Variants in ANKUB1 observed in about 807,000 individuals in gnomAD.
ANKUB1 encodes ankyrin repeat and ubiquitin domain containing 1, also known as protein ANKUB1.
ANKUB1 carries 42 observed loss-of-function variants against 49.3 expected under a neutral mutation model. The ratio of observed to expected loss-of-function variants is 0.85; its 90% CI spans 0.67 to 1.10. ANKUB1 has a LOEUF of 1.10. Ranked by LOEUF, ANKUB1 falls within the 50% of genes least tolerant of loss-of-function variation. The probability of loss-of-function intolerance (pLI) is 0.00; values close to 1 mark genes in which losing one functional copy is unlikely to be tolerated. For missense variants in ANKUB1, 613 were observed against 642.0 expected (o/e 0.95, Z 0.49); for synonymous variants, 222 against 231.0 (o/e 0.96, Z 0.35).
intron 3 of ANKUB1, among the ~76,000 whole-genome samples, chr3:149,772,024 C>CTTT (rs398062912): frequency 2.3e-5 from 3 of 133,196 alleles, no homozygotes; most frequent in African/African-American, 5.6e-5. Context: ...TCCATCCTTC[C>CTTT]TTTTTTTTTT....
rs1450995754 is a variant in ANKUB1 at position 149,761,388 on chromosome 3, G to A, written c.*96C>T. ...ATGTGGCATTATAACTGTTACTAGA[G>A]ATGATAACATTAGAACTGTTATTAG... is the stretch of plus-strand genomic sequence containing the variant. On this transcript the variant is annotated 3_prime_UTR_variant, in exon 6 of 6. Transcript: ENST00000446160. 4 of 1,353,660 alleles carry A rather than the reference G, an allele frequency of 3.0e-6. No homozygotes were observed. In the African/African-American group the frequency reaches 5.9e-5, roughly 20 times the overall value. The allele number at this position is 1,353,660 out of a possible 1,614,324, so 83.9% of individuals were successfully genotyped here. A position where few individuals can be genotyped will look rare whatever the true frequency, so the allele number is the denominator to read the frequency against.
At position 149,767,333 on chromosome 3, in the gene ANKUB1, G is replaced by GT; in HGVS notation, c.1328dup (p.Asn443LysfsTer30). The GT allele has an allele frequency of 6.4e-7, 1 of 1,550,628 alleles. No homozygotes were observed. The highest frequency in any genetic ancestry group is 8.7e-7 in the Non-Finnish European group (1 of 1,146,792). ...GGAGGGGGACTTGGGGAAGATATGT[G>GT]TTTTTTATGAGCTTTTCTTTTTTCC... is the stretch of plus-strand genomic sequence containing the variant. On this transcript the variant is annotated frameshift_variant, in exon 5 of 6. Coordinates refer to ENST00000446160, the MANE Select transcript of ANKUB1 (RefSeq NM_001144960.3). LOFTEE classifies it high-confidence loss of function.
intron 3 of ANKUB1, among the ~76,000 whole-genome samples, chr3:149,772,628 C>A (rs1717416456): frequency 6.6e-6 from 1 of 152,206 alleles, no homozygotes; most frequent in African/African-American, 2.4e-5. Context: ...TTAACCTCTG[C>A]TTAAAATGAG....
chr3:149,778,593 C>T (rs780017556), intron 3 of ANKUB1: 4 of 152,070 alleles, frequency 2.6e-5, no homozygotes, highest in Non-Finnish European at 5.9e-5. Flanking sequence ...CACTGTGTGC[C>T]CTTCCTTATG....
intron 3 of ANKUB1, among the ~76,000 whole-genome samples, chr3:149,777,076 G>A (rs1262938373): frequency 1.3e-5 from 2 of 152,098 alleles, no homozygotes; most frequent in African/African-American, 4.8e-5. Context: ...ATTAATACTG[G>A]GATTATCAAA....
intron 2 of ANKUB1, among the ~76,000 whole-genome samples, chr3:149,781,242 G>A (rs1683202909): frequency 6.6e-6 from 1 of 152,104 alleles, no homozygotes. Flanking sequence ...CCAAAGCAGA[G>A]TTAAGATGGA....
chr3:149,782,418 G>A (rs1717911033), intron 2 of ANKUB1, among the ~76,000 whole-genome samples: 1 of 151,930 alleles, frequency 6.6e-6, no homozygotes, highest in Non-Finnish European at 1.5e-5. Flanking sequence ...AGGTGTGTGA[G>A]GTTAGATAAG....
intron 4 of ANKUB1, among the ~76,000 whole-genome samples, chr3:149,768,389 A>G (rs1717165546): frequency 6.6e-6 from 1 of 151,958 alleles, no homozygotes; most frequent in Non-Finnish European, 1.5e-5. Context: ...AGGAGCTTTT[A>G]AGTCTGATCA....
At chr3:149,776,854 G>T (rs554644273) in intron 3 of ANKUB1, among the ~76,000 whole-genome samples, 157 of 152,140 alleles carry the variant, frequency 1.0e-3, no homozygotes, top group African/African-American at 3.7e-3. Flanking sequence ...GGATGCACCT[G>T]TAGTCCCAGC....
intron 3 of ANKUB1, among the ~76,000 whole-genome samples, chr3:149,776,008 G>A (rs1266816309): frequency 6.6e-6 from 1 of 152,046 alleles, no homozygotes; most frequent in Non-Finnish European, 1.5e-5. Context: ...TATCATGATA[G>A]ATTTATGATA....
At chr3:149,790,255 C>A (rs541956332) in intron 2 of ANKUB1, among the ~76,000 whole-genome samples, 1 of 152,028 alleles carries the variant, frequency 6.6e-6, no homozygotes, top group Non-Finnish European at 1.5e-5. Context: ...AAAGCCCAAC[C>A]GTGCATCTTA....
intron 2 of ANKUB1, among the ~76,000 whole-genome samples, chr3:149,790,302 A>G (rs1250970944): frequency 3.3e-5 from 5 of 152,158 alleles, no homozygotes; most frequent in Non-Finnish European, 7.3e-5. Context: ...AAATGAAAAA[A>G]TATCTTTATT....
intron 5 of ANKUB1, chr3:149,766,741 T>G: frequency 1.2e-6 from 1 of 808,004 alleles, no homozygotes; most frequent in Non-Finnish European, 2.0e-6. Context: ...AAGAATGCAA[T>G]GAGCTGTGAT....
Position 149,767,553 on chromosome 3 carries a change from G to C in ANKUB1, c.1109C>G (p.Ser370Ter). The C allele has an allele frequency of 6.4e-7, 1 of 1,551,652 alleles. No individual in the cohort carries two copies. The highest frequency in any genetic ancestry group is 8.7e-7 in the Non-Finnish European group (1 of 1,146,984). ...TGGTAGCTTGAGCACGATGCTTTGT[G>C]AGTCGCTGTTCCCAGCCTTATGCCA... ...KSWHKAGNSD[S>*]QSIVLKLPSL... Residue 370 changes from serine to a stop codon, truncating the protein, a stop_gained, in exon 5 of 6, where the codon TCA becomes TGA. Transcript: ENST00000446160. LOFTEE classifies it high-confidence loss of function.
At chr3:149,789,381 C>CT in intron 2 of ANKUB1, among the ~76,000 whole-genome samples, 1 of 152,154 alleles carries the variant, frequency 6.6e-6, no homozygotes, top group African/African-American at 2.4e-5. Context: ...AGAGTTGATC[C>CT]TGTACGGCAC....
At chr3:149,781,057 C>G (rs1232602464) in intron 2 of ANKUB1, among the ~76,000 whole-genome samples, 1 of 147,552 alleles carries the variant, frequency 6.8e-6, no homozygotes, top group Non-Finnish European at 1.5e-5. Context: ...AACTCCTGGG[C>G]TCAAGCGATC....
In ANKUB1 at chr3:149,790,919, A is replaced by C; in HGVS notation, c.96T>G (p.Tyr32Ter). 1 of 1,551,162 alleles carries C rather than the reference A, an allele frequency of 6.4e-7. No individual in the cohort carries two copies. The highest frequency in any genetic ancestry group is 1.2e-5 in the South Asian group (1 of 83,786). ...VEVVKLMIKD[Y>*]FHIPLSEDKQ... is the part of the protein sequence containing the mutation. ...TGTCTTCAGAGAGAGGAATGTGGAA[A>C]TAATCCTTAAAAATCAATAGCATAT... Residue 32 changes from tyrosine (Y) to a stop codon, truncating the protein, a stop_gained, in exon 2 of 6, where the codon TAT becomes TAG. Coordinates refer to ENST00000446160, the MANE Select transcript of ANKUB1 (RefSeq NM_001144960.3). LOFTEE classifies it high-confidence loss of function.
At chr3:149,777,130 C>T (rs1190724288) in intron 3 of ANKUB1, among the ~76,000 whole-genome samples, 1 of 152,172 alleles carries the variant, frequency 6.6e-6, no homozygotes, top group Non-Finnish European at 1.5e-5. Context: ...TTTCCTCACT[C>T]CTTTCTATAT....
chr3:149,777,426 C>T (rs568947868), intron 3 of ANKUB1, among the ~76,000 whole-genome samples: 129 of 151,982 alleles, frequency 8.5e-4, no homozygotes, highest in Non-Finnish European at 1.4e-3. Context: ...AAGCTGAGGT[C>T]GTGCCACTGC....
Sources: allele counts gnomAD v4.1 joint callset (sites outside exome capture counted in the v4.1 genomes callset), GRCh38; gene constraint gnomAD v4.1.1; transcripts MANE v1.5; gene names NCBI Gene and HGNC (gene_info 2026-07-23, HGNC 2026-07-21).